The following ULK4 variants were observed in gnomAD, a reference collection of about 807,000 sequenced individuals.
ULK4 encodes unc-51 like kinase 4.
Under a neutral mutation model 160.6 loss-of-function variants are expected in ULK4, and 133 were observed. The observed-to-expected ratio is 0.83, with a 90% CI of 0.72 to 0.96. ULK4 has a LOEUF of 0.96. Ranked by LOEUF, ULK4 falls within the 40% of genes least tolerant of loss-of-function variation. The probability of loss-of-function intolerance (pLI) is 0.00; values close to 1 mark genes in which losing one functional copy is unlikely to be tolerated. For missense variants in ULK4, 1,580 were observed against 1,499.5 expected (o/e 1.05, Z -0.89); for synonymous variants, 534 against 539.8 (o/e 0.99, Z 0.15).
intron 34 of ULK4, among the ~76,000 whole-genome samples, chr3:41,446,244 G>A (rs1199276321): frequency 6.6e-6 from 1 of 152,206 alleles, no homozygotes; most frequent in African/African-American, 2.4e-5. Context: ...CGAAGAGGAT[G>A]TGGAGAAATA....
Position 41,897,001 on chromosome 3 carries a change from C to A in ULK4, c.1351G>T (p.Asp451Tyr), listed in dbSNP as rs770526747. The A allele has an allele frequency of 1.9e-6, 3 of 1,608,950 alleles. No homozygotes were observed. Among genetic ancestry groups the A allele is most frequent in the Non-Finnish European group, 8.5e-7 (1 of 1,177,432 alleles). ...TGATCTTTCAGAAATAATAACTTAT[C>A]CACTGCGATGGAAAGAAAATAATAA... is the stretch of plus-strand genomic sequence containing the variant. ...KILHLPTYSV[D>Y]KLLFLKDQDW... Residue 451 changes from aspartate to tyrosine, a missense_variant and splice_region_variant, in exon 15 of 37, where the codon GAT becomes TAT. By Grantham distance (160) the Asp-to-Tyr change is radical (BLOSUM62 -3). Coordinates refer to ENST00000301831, the MANE Select transcript of ULK4 (RefSeq NM_017886.4).
In ULK4 at chr3:41,434,004, G is replaced by T. The variant is rs141447679; in HGVS notation, c.3492+21493C>A. 3.5e-4 allele frequency among the ~76,000 whole-genome samples: 53 copies of T among 152,234 alleles called. No individual in the cohort carries two copies. In the East Asian group the frequency reaches 9.9e-3, roughly 28 times the overall value. Reference sequence around the variant, plus strand: ...CCCAAAGTGCTGGGATTACAGGCGTGAGCCACCACACCCGGCCTATCCCAA... The same window carrying T: ...CCCAAAGTGCTGGGATTACAGGCGTTAGCCACCACACCCGGCCTATCCCAA... On this transcript the variant is annotated intron_variant, in intron 34 of 36. Coordinates refer to ENST00000301831, the MANE Select transcript of ULK4 (RefSeq NM_017886.4).
chr3:41,799,414 A>C (rs942554740), intron 20 of ULK4, among the ~76,000 whole-genome samples: 7 of 152,194 alleles, frequency 4.6e-5, no homozygotes, highest in Non-Finnish European at 8.8e-5. Context: ...AGATGCTTGA[A>C]CATTAAAATG....
intron 2 of ULK4, among the ~76,000 whole-genome samples, chr3:41,943,520 T>A (rs528285737): frequency 2.0e-5 from 3 of 152,148 alleles, no homozygotes; most frequent in Non-Finnish European, 2.9e-5. Context: ...AAACAAACCA[T>A]GCTGCCTGAT....
intron 25 of ULK4, 69 bp downstream of exon 25, chr3:41,715,168 A>T (rs1054761879): frequency 2.8e-5 from 41 of 1,484,630 alleles, no homozygotes; most frequent in African/African-American, 5.6e-5. Flanking sequence ...TCATTCTGAC[A>T]TCAAATTCTA....
intron 31 of ULK4, among the ~76,000 whole-genome samples, chr3:41,590,988 A>G (rs2031260505): frequency 6.6e-6 from 1 of 152,118 alleles, no homozygotes; most frequent in Non-Finnish European, 1.5e-5. Context: ...TAAACCACAG[A>G]TGGATAAACA....
chr3:41,789,966 T>C, intron 20 of ULK4, 123 bp from the exon 21 acceptor site: 2 of 878,108 alleles, frequency 2.3e-6, no homozygotes, highest in Non-Finnish European at 3.1e-6. Flanking sequence ...TTATTACTTA[T>C]TTTGGCACAA....
In ULK4 at chr3:41,904,910, G is replaced by A. The variant is rs113108736; in HGVS notation, c.1182+2935C>T. Among the ~76,000 whole-genome samples the A allele has an allele frequency of 2.3e-3, 340 of 147,456 alleles. 4 individuals are homozygous for A. The highest frequency in any genetic ancestry group is 8.1e-3 in the African/African-American group (322 of 39,860). Reference sequence around the variant, plus strand: ...GAGGAACACTTAACATTGTTAAAATGGCAGTACTTCCTAAATTGATCTACA... The same window carrying A: ...GAGGAACACTTAACATTGTTAAAATAGCAGTACTTCCTAAATTGATCTACA... On this transcript the variant is annotated intron_variant, in intron 12 of 36. Coordinates refer to ENST00000301831, the MANE Select transcript of ULK4 (RefSeq NM_017886.4).
chr3:41,858,136 TTTTTTTG>T (rs1361567812), intron 17 of ULK4, among the ~76,000 whole-genome samples: 17 of 117,544 alleles, frequency 1.4e-4, no homozygotes, highest in African/African-American at 8.3e-4. Context: ...CCCATAGGGT[TTTTTTTG>T]TTTGTTTTTT....
chr3:41,605,825 A>G (rs1353281498), intron 31 of ULK4, among the ~76,000 whole-genome samples: 2 of 152,062 alleles, frequency 1.3e-5, no homozygotes, highest in African/African-American at 4.8e-5. Context: ...TATAAAAGGA[A>G]TATTTATGAA....
chr3:41,525,841 T>A (rs2086097217), intron 32 of ULK4, among the ~76,000 whole-genome samples: 2 of 152,242 alleles, frequency 1.3e-5, no homozygotes, highest in Non-Finnish European at 2.9e-5. Context: ...ATGATGTAGC[T>A]CCTTTGTCAA....
intron 32 of ULK4, among the ~76,000 whole-genome samples, chr3:41,544,495 A>G (rs1453148331): frequency 6.6e-6 from 1 of 152,234 alleles, no homozygotes; most frequent in Non-Finnish European, 1.5e-5. Flanking sequence ...GTATAGCCCT[A>G]TGCATGCACA....
intron 29 of ULK4, among the ~76,000 whole-genome samples, chr3:41,667,393 T>C (rs2035381625): frequency 6.6e-6 from 1 of 152,206 alleles, no homozygotes; most frequent in African/African-American, 2.4e-5. Context: ...ATATTGAATA[T>C]ATTTTAGTTT....
intron 35 of ULK4, among the ~76,000 whole-genome samples, chr3:41,338,756 CAT>C (rs907216581): frequency 2.6e-5 from 4 of 151,468 alleles, no homozygotes; most frequent in African/African-American, 7.3e-5. Context: ...ATCTATATCA[CAT>C]ATATATATGA....
At chr3:41,879,455 T>A (rs1697429579) in intron 17 of ULK4, among the ~76,000 whole-genome samples, 1 of 152,092 alleles carries the variant, frequency 6.6e-6, no homozygotes, top group African/African-American at 2.4e-5. Context: ...ACCTCATTAC[T>A]CTAGCCTCTC....
In ULK4 at chr3:41,871,977, C is replaced by T. The variant is rs149642639; in HGVS notation, c.1656+11897G>A. Among the ~76,000 whole-genome samples, 778 of 152,212 alleles carry T rather than the reference C, an allele frequency of 5.1e-3. 14 individuals carry two copies. The highest frequency in any genetic ancestry group is 6.1e-3 in the Non-Finnish European group (412 of 68,012). On this transcript the variant is annotated intron_variant, in intron 17 of 36. Coordinates refer to ENST00000301831, the MANE Select transcript of ULK4 (RefSeq NM_017886.4). ...ATATATAATAAAGACTCTGGATAACCTTATTTTCCTCTACAGAGTACTGAG... is the reference window on the plus strand; with the variant it reads ...ATATATAATAAAGACTCTGGATAACTTTATTTTCCTCTACAGAGTACTGAG...
intron 15 of ULK4, 72 bp from the exon 16 acceptor site, chr3:41,895,636 C>A: frequency 1.0e-6 from 1 of 979,322 alleles, no homozygotes; most frequent in South Asian, 2.1e-5. Context: ...CAGAAAATGA[C>A]AGCAAAGTTA....
chr3:41,283,417 A>G (rs1260592721), intron 35 of ULK4, among the ~76,000 whole-genome samples: 1 of 152,204 alleles, frequency 6.6e-6, no homozygotes, highest in African/African-American at 2.4e-5. Context: ...CCAATGATAG[A>G]CTGGATTAAG....
chr3:41,837,595 ACT>A (rs1350976603), intron 17 of ULK4, among the ~76,000 whole-genome samples: 15 of 147,928 alleles, frequency 1.0e-4, no homozygotes, highest in Non-Finnish European at 5.9e-5. Context: ...ACAGAGTCTC[ACT>A]CTGTCACCCA....
Sources: gnomAD v4.1 joint callset for allele counts (sites outside exome capture counted in the v4.1 genomes callset) on GRCh38, gnomAD v4.1.1 for gene constraint, MANE v1.5 for transcripts, NCBI Gene and HGNC (gene_info 2026-07-23, HGNC 2026-07-21) for gene names.